DEPTOR: variants seen among roughly 807,000 people sequenced by gnomAD.
The protein encoded by DEPTOR is DEP domain containing MTOR interacting protein.
DEPTOR carries 41 observed loss-of-function variants against 41.6 expected under a neutral mutation model. The observed-to-expected ratio is 0.98, with a 90% CI of 0.77 to 1.28. DEPTOR has a LOEUF of 1.28. Among genes scored for constraint, DEPTOR ranks in the 50% most tolerant of loss-of-function variants. The pLI is 0.00. For missense variants in DEPTOR, 514 were observed against 527.9 expected, an observed-to-expected ratio of 0.97 and a Z score of 0.26; for synonymous variants, 195 against 192.3, an observed-to-expected ratio of 1.01 and a Z score of -0.12.
chr8:119,948,723 A>G (rs1828314410), intron 3 of DEPTOR, among the ~76,000 whole-genome samples: 1 of 151,852 alleles, frequency 6.6e-6, no homozygotes, highest in African/African-American at 2.4e-5. Context: ...CTACCCCCTC[A>G]TCCCTAAGCA....
chr8:119,915,573 G>A (rs544397163), intron 1 of DEPTOR, among the ~76,000 whole-genome samples: 1 of 152,268 alleles, frequency 6.6e-6, no homozygotes, highest in South Asian at 2.1e-4. Context: ...TCTGGTAGCA[G>A]TCAGGAGGTC....
intron 8 of DEPTOR, among the ~76,000 whole-genome samples, chr8:120,034,024 A>G (rs145263769): frequency 1.3e-5 from 2 of 152,172 alleles, no homozygotes; most frequent in Non-Finnish European, 2.9e-5. Flanking sequence ...CCGAGGTCAC[A>G]CTATTGCACT....
chr8:119,981,128 T>C (rs17222820), intron 4 of DEPTOR, among the ~76,000 whole-genome samples: 6,191 of 152,282 alleles, frequency 0.041, 161 homozygotes, highest in Non-Finnish European at 0.056. Context: ...AAACAACTGT[T>C]CTATGGCCTC....
At chr8:119,881,352 T>C (rs565305323) in intron 1 of DEPTOR, among the ~76,000 whole-genome samples, 1 of 152,070 alleles carries the variant, frequency 6.6e-6, no homozygotes, top group South Asian at 2.1e-4. Flanking sequence ...TGAAATCCCG[T>C]CTCTGCTAAA....
intron 1 of DEPTOR, among the ~76,000 whole-genome samples, chr8:119,910,374 G>A (rs1827721129): frequency 6.6e-6 from 1 of 152,186 alleles, no homozygotes; most frequent in Non-Finnish European, 1.5e-5. Flanking sequence ...GCAGCCCTGG[G>A]AAACATTTTT....
intron 4 of DEPTOR, among the ~76,000 whole-genome samples, chr8:119,980,725 C>T (rs1028684212): frequency 9.9e-5 from 15 of 151,976 alleles, no homozygotes; most frequent in Non-Finnish European, 1.6e-4. Flanking sequence ...ACCATCTTGG[C>T]CAGGCTGGTC....
chr8:119,903,226 G>A (rs1007763769), intron 1 of DEPTOR, among the ~76,000 whole-genome samples: 17 of 152,150 alleles, frequency 1.1e-4, no homozygotes, highest in African/African-American at 4.1e-4. Flanking sequence ...AGCCTCCCAA[G>A]TAGCTGGGAT....
At chr8:119,925,439 C>A (rs1164323887) in intron 1 of DEPTOR, among the ~76,000 whole-genome samples, 6 of 151,526 alleles carry the variant, frequency 4.0e-5, no homozygotes, top group African/African-American at 1.2e-4. Flanking sequence ...AGAACAACAA[C>A]AAAAAAAACC....
At chr8:120,023,088 GTCT>G (rs1812744960) in intron 8 of DEPTOR, among the ~76,000 whole-genome samples, 1 of 152,150 alleles carries the variant, frequency 6.6e-6, no homozygotes, top group African/African-American at 2.4e-5. Flanking sequence ...AGGTGGGCCT[GTCT>G]CCTGACTCAC....
intron 4 of DEPTOR, among the ~76,000 whole-genome samples, chr8:119,998,193 A>G (rs1041823160): frequency 3.3e-5 from 5 of 152,182 alleles, no homozygotes; most frequent in Non-Finnish European, 5.9e-5. Context: ...GGCTCAAGCG[A>G]TCCTCCCAGC....
intron 1 of DEPTOR, among the ~76,000 whole-genome samples, chr8:119,882,362 A>G (rs1239094900): frequency 2.0e-5 from 3 of 151,856 alleles, no homozygotes; most frequent in Non-Finnish European, 4.4e-5. Context: ...TAAATTTTAG[A>G]AAAAAATACA....
rs576338812 is a variant in DEPTOR at position 119,894,482 on chromosome 8, C to T, written c.122+20514C>T. ...CGCAATCTTGGCTCACTGCAAGCTC[C>T]GCCTCCTGGGTTCACGGCATTCTCC... On this transcript the variant is annotated intron_variant, in intron 1 of 8. Coordinates refer to ENST00000286234, the MANE Select transcript of DEPTOR (RefSeq NM_022783.4). Among the ~76,000 whole-genome samples the T allele has an allele frequency of 1.5e-4, 23 of 151,556 alleles. No homozygotes were observed. The East Asian group carries it at 2.2e-3, about 14-fold the overall frequency.
At chr8:119,975,482 G>T (rs1369319050) in intron 4 of DEPTOR, among the ~76,000 whole-genome samples, 1 of 152,116 alleles carries the variant, frequency 6.6e-6, no homozygotes, top group Non-Finnish European at 1.5e-5. Context: ...TAGAGTCAAG[G>T]AGCACAGTGC....
At chr8:120,022,635 G>A (rs1236277019) in intron 8 of DEPTOR, among the ~76,000 whole-genome samples, 2 of 152,030 alleles carry the variant, frequency 1.3e-5, no homozygotes, top group African/African-American at 2.4e-5. Context: ...CCCTTTGAAG[G>A]ACTCTTCAAA....
At chr8:119,995,655 A>G (rs979497026) in intron 4 of DEPTOR, among the ~76,000 whole-genome samples, 10 of 152,170 alleles carry the variant, frequency 6.6e-5, no homozygotes, top group South Asian at 2.1e-4. Flanking sequence ...AAAATTGTCA[A>G]TAAAGTTCCA....
Position 119,929,956 on chromosome 8 carries a change from TC to T in DEPTOR, c.425+24del. ...TATGAAAAGTATGTTCCGCATGAAA[TC>T]CCCCCTGTAATCTTGACTTATAGAA... On this transcript the variant is annotated intron_variant, in intron 3 of 8. Transcript: ENST00000286234. 1 of 1,602,270 alleles carries T rather than the reference TC, an allele frequency of 6.2e-7. No homozygotes were observed. Among genetic ancestry groups the T allele is most frequent in the Admixed American group, 1.7e-5 (1 of 59,304 alleles).
intron 8 of DEPTOR, among the ~76,000 whole-genome samples, chr8:120,049,184 A>ACT (rs558709279): frequency 3.9e-4 from 59 of 152,212 alleles, no homozygotes; most frequent in African/African-American, 1.3e-3. Flanking sequence ...GCAAGTAGAA[A>ACT]CTATATATGT....
Position 119,996,582 on chromosome 8 carries a change from G to A in DEPTOR, c.605-4943G>A, listed in dbSNP as rs1812262652. 2.0e-5 allele frequency among the ~76,000 whole-genome samples: 3 copies of A among 152,152 alleles called. No individual in the cohort carries two copies. The South Asian group carries it at 6.2e-4, about 32-fold the overall frequency. Reference sequence around the variant, plus strand: ...TATAGAGGTGGGGAGGTATAAGCTGGAGACTGGATGTAAACTAAACACTGG... The same window carrying A: ...TATAGAGGTGGGGAGGTATAAGCTGAAGACTGGATGTAAACTAAACACTGG... On this transcript the variant is annotated intron_variant, in intron 4 of 8. Transcript: ENST00000286234.
At chr8:119,891,474 A>G (rs562126536) in intron 1 of DEPTOR, among the ~76,000 whole-genome samples, 4 of 152,250 alleles carry the variant, frequency 2.6e-5, no homozygotes, top group Admixed American at 6.5e-5. Context: ...TTCCATAGAA[A>G]AAGATACAGG....
Sources: allele counts gnomAD v4.1 joint callset (sites outside exome capture counted in the v4.1 genomes callset), GRCh38; gene constraint gnomAD v4.1.1; transcripts MANE v1.5; gene names NCBI Gene and HGNC (gene_info 2026-07-23, HGNC 2026-07-21).